CRTAC1: variants seen among roughly 807,000 people sequenced by gnomAD.
The protein encoded by CRTAC1 is acidic secreted protein in cartilage.
A neutral mutation model predicts 67.8 loss-of-function variants in CRTAC1; 37 were observed. The ratio of observed to expected loss-of-function variants is 0.55; its 90% CI spans 0.42 to 0.72. The LOEUF is 0.72. Among genes scored for constraint, CRTAC1 ranks in the 30% least tolerant of loss-of-function variants. The pLI, the probability that CRTAC1 is intolerant of heterozygous loss-of-function variation, is 0.00. For synonymous variants in CRTAC1, 348 were observed against 371.0 expected (o/e 0.94, Z 0.71); for missense variants, 780 against 931.6 (o/e 0.84, Z 2.12).
In CRTAC1 at chr10:98,018,374, G is replaced by C. The variant is rs146358118; in HGVS notation, c.25-7037C>G. Among the ~76,000 whole-genome samples the C allele has an allele frequency of 4.5e-3, 687 of 152,160 alleles. 3 individuals are homozygous for C. The highest frequency in any genetic ancestry group is 6.8e-3 in the Middle Eastern group (2 of 294). On this transcript the variant is annotated intron_variant, in intron 1 of 14. Transcript: ENST00000370597. Reference sequence around the variant, plus strand: ...CTCATCTGTACCATGGAGATCGTATGACCTGCCAAGATTTCAAGGGTTAAG... The same window carrying C: ...CTCATCTGTACCATGGAGATCGTATCACCTGCCAAGATTTCAAGGGTTAAG...
intron 2 of CRTAC1, among the ~76,000 whole-genome samples, chr10:97,992,294 G>A (rs936117925): frequency 2.6e-5 from 4 of 152,142 alleles, no homozygotes; most frequent in African/African-American, 9.7e-5. Context: ...TCCATACTTT[G>A]CTTTAGCTTG....
intron 2 of CRTAC1, among the ~76,000 whole-genome samples, chr10:97,942,321 G>A (rs765505859): frequency 5.9e-5 from 9 of 152,302 alleles, no homozygotes; most frequent in African/African-American, 1.7e-4. Flanking sequence ...GATGAAGCCC[G>A]TGGAAGGTAC....
intron 11 of CRTAC1, among the ~76,000 whole-genome samples, chr10:97,893,451 G>A (rs1222795693): frequency 6.6e-6 from 1 of 152,092 alleles, no homozygotes; most frequent in Non-Finnish European, 1.5e-5. Context: ...GACACTCTGG[G>A]CTCCTCTACT....
At chr10:98,020,034 C>T (rs969762764) in intron 1 of CRTAC1, among the ~76,000 whole-genome samples, 5 of 152,336 alleles carry the variant, frequency 3.3e-5, no homozygotes, top group African/African-American at 1.2e-4. Flanking sequence ...TTCTGCTTCA[C>T]AAATCTCTCT....
At chr10:97,893,334 T>G (rs1449213574) in intron 11 of CRTAC1, among the ~76,000 whole-genome samples, 1 of 152,204 alleles carries the variant, frequency 6.6e-6, no homozygotes, top group African/African-American at 2.4e-5. Context: ...TCCTTTTATA[T>G]TAAAATGGTA....
At chr10:97,986,683 T>G (rs1360985725) in intron 2 of CRTAC1, among the ~76,000 whole-genome samples, 2 of 152,218 alleles carry the variant, frequency 1.3e-5, no homozygotes, top group Non-Finnish European at 1.5e-5. Context: ...TATTAGTACA[T>G]CATTCTTATT....
intron 2 of CRTAC1, among the ~76,000 whole-genome samples, chr10:97,972,552 C>T (rs2051732438): frequency 6.6e-6 from 1 of 152,270 alleles, no homozygotes; most frequent in East Asian, 1.9e-4. Flanking sequence ...AACATAAAGT[C>T]ATCAGAATCT....
At chr10:97,914,315 G>A (rs1459136696) in intron 5 of CRTAC1, among the ~76,000 whole-genome samples, 1 of 152,148 alleles carries the variant, frequency 6.6e-6, no homozygotes, top group Non-Finnish European at 1.5e-5. Context: ...CTGTACCCAG[G>A]AGGTGCCCAG....
intron 11 of CRTAC1, among the ~76,000 whole-genome samples, chr10:97,888,534 G>A (rs1299524878): frequency 6.6e-6 from 1 of 151,842 alleles, no homozygotes; most frequent in African/African-American, 2.4e-5. Context: ...TTACGAGGTG[G>A]GTATTTATCC....
At chr10:98,028,292 A>G (rs951937064) in intron 1 of CRTAC1, among the ~76,000 whole-genome samples, 2 of 152,262 alleles carry the variant, frequency 1.3e-5, no homozygotes, top group Admixed American at 6.5e-5. Flanking sequence ...GCCTTAAAGC[A>G]TTAAGTTGCT....
In CRTAC1 at chr10:97,923,270, G is replaced by A. The variant is rs368586348; in HGVS notation, c.552C>T (p.Asp184=). 1 of 1,613,900 alleles carries A rather than the reference G, an allele frequency of 6.2e-7. No individual in the cohort carries two copies. The highest frequency in any genetic ancestry group is 1.3e-5 in the African/African-American group (1 of 74,908). Residue 184 remains aspartate, a synonymous_variant, in exon 4 of 15, where the codon GAC becomes GAT. Coordinates refer to ENST00000370597, the MANE Select transcript of CRTAC1 (RefSeq NM_018058.7). ...CATGTGCCCCTGCACTCACCTTTCT[G>A]TCCACACAGGCCACAGAGCGTCCGG... ...LFAGRSVACV[D]RKGSGRYSIY...
intron 8 of CRTAC1, 106 bp downstream of exon 8, chr10:97,901,397 C>G (rs544995726): frequency 1.3e-5 from 19 of 1,412,936 alleles, no homozygotes; most frequent in Non-Finnish European, 1.4e-5. Context: ...GGCCTGACCC[C>G]CTGGCCCTGG....
chr10:97,886,798 C>A (rs2050292671), intron 11 of CRTAC1, among the ~76,000 whole-genome samples: 3 of 151,940 alleles, frequency 2.0e-5, no homozygotes, highest in Admixed American at 6.6e-5. Flanking sequence ...GCATGTACCA[C>A]CGCGCCTGGC....
chr10:98,019,003 G>A (rs1203198828), intron 1 of CRTAC1, among the ~76,000 whole-genome samples: 2 of 152,140 alleles, frequency 1.3e-5, no homozygotes, highest in Admixed American at 1.3e-4. Context: ...CAAGAAAGCT[G>A]CTCACCATTT....
chr10:97,999,564 A>T (rs1842648490), intron 2 of CRTAC1, among the ~76,000 whole-genome samples: 1 of 152,200 alleles, frequency 6.6e-6, no homozygotes, highest in Admixed American at 6.5e-5. Flanking sequence ...GCCCCTTGGC[A>T]CTTACAACCT....
chr10:97,874,578 G>A (rs1031343476), intron 14 of CRTAC1, among the ~76,000 whole-genome samples: 1 of 152,144 alleles, frequency 6.6e-6, no homozygotes, highest in African/African-American at 2.4e-5. Context: ...GGGTGTACCG[G>A]GAAGCACAGG....
At chr10:97,928,049 G>T (rs1447575699) in intron 3 of CRTAC1, among the ~76,000 whole-genome samples, 1 of 152,236 alleles carries the variant, frequency 6.6e-6, no homozygotes, top group Non-Finnish European at 1.5e-5. Flanking sequence ...GTCCCCTGGG[G>T]AAAGACACTG....
At chr10:97,958,956 G>T (rs1360540604) in intron 2 of CRTAC1, among the ~76,000 whole-genome samples, 1 of 152,178 alleles carries the variant, frequency 6.6e-6, no homozygotes, top group Non-Finnish European at 1.5e-5. Context: ...CAATGAGACA[G>T]ACAAGACATG....
intron 14 of CRTAC1, 74 bp downstream of exon 14, chr10:97,880,175 T>C: frequency 3.2e-6 from 5 of 1,550,324 alleles, no homozygotes; most frequent in Non-Finnish European, 4.4e-6. Flanking sequence ...GACCTTGATC[T>C]GGGGCCTACC....
Sources: allele counts gnomAD v4.1 joint callset (sites outside exome capture counted in the v4.1 genomes callset), GRCh38; gene constraint gnomAD v4.1.1; transcripts MANE v1.5; gene names NCBI Gene and HGNC (gene_info 2026-07-23, HGNC 2026-07-21).